Variants in EYA1 observed in about 807,000 individuals in gnomAD.
EYA1 encodes the protein protein phosphatase EYA1.
Under a neutral mutation model 82.0 loss-of-function variants are expected in EYA1, and 16 were observed. That is an observed-to-expected ratio of 0.20 (90% CI 0.13 to 0.30). The LOEUF is 0.30. Among genes scored for constraint, EYA1 ranks in the 10% least tolerant of loss-of-function variants. The probability of loss-of-function intolerance (pLI) is 1.00; values close to 1 mark genes in which losing one functional copy is unlikely to be tolerated. For missense variants in EYA1, 633 were observed against 730.7 expected (o/e 0.87, Z 1.54); for synonymous variants, 261 against 264.4 (o/e 0.99, Z 0.12).
chr8:71,375,506 C>T (rs1489106307), intron 2 of EYA1, among the ~76,000 whole-genome samples: 1 of 152,080 alleles, frequency 6.6e-6, no homozygotes, highest in Non-Finnish European at 1.5e-5. Flanking sequence ...CAACAAATAA[C>T]ATCTAAAACA....
chr8:71,398,592 T>C (rs1476284729), intron 2 of EYA1, among the ~76,000 whole-genome samples: 2 of 152,218 alleles, frequency 1.3e-5, no homozygotes, highest in East Asian at 1.9e-4. Flanking sequence ...GTATCACCAG[T>C]GGAGGCTGAA....
intron 12 of EYA1, 113 bp downstream of exon 12, chr8:71,244,490 A>AT: frequency 1.5e-6 from 1 of 661,886 alleles, no homozygotes; most frequent in South Asian, 1.7e-5. Flanking sequence ...TTACCAACAA[A>AT]CCTCTGTCTC....
intron 14 of EYA1, among the ~76,000 whole-genome samples, chr8:71,216,096 G>A (rs1318621202): frequency 1.3e-5 from 2 of 152,102 alleles, no homozygotes; most frequent in African/African-American, 4.8e-5. Context: ...CAAACTACTG[G>A]TAGAGTATAA....
chr8:71,327,603 G>A (rs1220174666), intron 4 of EYA1, among the ~76,000 whole-genome samples: 3 of 152,118 alleles, frequency 2.0e-5, no homozygotes, highest in Admixed American at 6.5e-5. Context: ...TTTCAACTCA[G>A]CCACATGCCT....
chr8:71,269,599 C>A, intron 11 of EYA1, 141 bp downstream of exon 11: 1 of 556,320 alleles, frequency 1.8e-6, no homozygotes, highest in South Asian at 3.0e-5. Context: ...TTTTACCTTA[C>A]ATATATATAT....
rs1416476943 is a variant in EYA1 at position 71,317,610 on chromosome 8, A to G, written c.498T>C (p.Tyr166=). The G allele has an allele frequency of 6.2e-7, 1 of 1,614,146 alleles. No homozygotes were observed. The highest frequency in any genetic ancestry group is 1.1e-5 in the South Asian group (1 of 91,088). ...QSPGQTGFLS[Y]GTSFSTPQPG... ...GTTGAGGGGTACTGAAGCTTGTGCCATAGCTGAGAAATCCTGTCTGTCCAG... is the reference window on the plus strand; with the variant it reads ...GTTGAGGGGTACTGAAGCTTGTGCCGTAGCTGAGAAATCCTGTCTGTCCAG... The change falls in exon 7 of 18, where the codon TAT becomes TAC. Residue 166 remains tyrosine (Y), a synonymous_variant. Coordinates refer to ENST00000340726, the MANE Select transcript of EYA1 (RefSeq NM_000503.6).
At chr8:71,492,471 T>TTA (rs1811077191) in intron 2 of EYA1, among the ~76,000 whole-genome samples, 1 of 118,152 alleles carries the variant, frequency 8.5e-6, no homozygotes, top group Non-Finnish European at 1.8e-5. Flanking sequence ...TATTATTATT[T>TTA]TTTTTTTTTT....
intron 2 of EYA1, among the ~76,000 whole-genome samples, chr8:71,395,179 A>G (rs546888524): frequency 3.9e-5 from 6 of 152,356 alleles, no homozygotes; most frequent in Non-Finnish European, 8.8e-5. Context: ...TATCAGCTTA[A>G]GGAGATTTTG....
intron 2 of EYA1, among the ~76,000 whole-genome samples, chr8:71,483,576 A>AT (rs1221249569): frequency 1.6e-4 from 25 of 151,742 alleles, no homozygotes; most frequent in Admixed American, 2.6e-4. Flanking sequence ...AAAACACCAC[A>AT]TTTTTTATGT....
At chr8:71,266,108 T>C (rs1424564635) in intron 11 of EYA1, among the ~76,000 whole-genome samples, 1 of 152,226 alleles carries the variant, frequency 6.6e-6, no homozygotes, top group Non-Finnish European at 1.5e-5. Flanking sequence ...TTGAGTTGCC[T>C]AAGCCACTGT....
chr8:71,323,568 C>G (rs1175125609), intron 4 of EYA1, among the ~76,000 whole-genome samples: 1 of 152,166 alleles, frequency 6.6e-6, no homozygotes, highest in African/African-American at 2.4e-5. Context: ...AACAGTAGAT[C>G]TAGATTAGTA....
At chr8:71,285,384 T>A (rs1450225965) in intron 9 of EYA1, among the ~76,000 whole-genome samples, 1 of 152,116 alleles carries the variant, frequency 6.6e-6, no homozygotes, top group Non-Finnish European at 1.5e-5. Flanking sequence ...TCTTAGAATG[T>A]TTGAAGGGAG....
chr8:71,383,030 T>C (rs1400434679), intron 2 of EYA1, among the ~76,000 whole-genome samples: 3 of 152,070 alleles, frequency 2.0e-5, no homozygotes, highest in Non-Finnish European at 4.4e-5. Context: ...AAGCAACTTT[T>C]CTTCTGTGGA....
intron 2 of EYA1, among the ~76,000 whole-genome samples, chr8:71,443,906 A>G (rs1806633822): frequency 6.6e-6 from 1 of 152,230 alleles, no homozygotes; most frequent in Non-Finnish European, 1.5e-5. Flanking sequence ...ACAGCTTTCT[A>G]AAGCATTTCT....
chr8:71,208,725 T>C (rs1808142591), intron 17 of EYA1, among the ~76,000 whole-genome samples: 1 of 118,782 alleles, frequency 8.4e-6, no homozygotes, highest in Non-Finnish European at 1.6e-5. Flanking sequence ...ACTTAAAGTA[T>C]AATAAAAAAA....
intron 12 of EYA1, among the ~76,000 whole-genome samples, chr8:71,233,550 T>C (rs568464792): frequency 2.9e-5 from 4 of 138,996 alleles, no homozygotes; most frequent in Admixed American, 1.6e-4. Flanking sequence ...GGCGACAGAG[T>C]GAGACTCCGT....
At chr8:71,208,728 T>TA (rs570917722) in intron 17 of EYA1, among the ~76,000 whole-genome samples, 2,656 of 115,248 alleles carry the variant, frequency 0.023, 35 homozygotes, top group Non-Finnish European at 0.032. Flanking sequence ...TAAAGTATAA[T>TA]AAAAAAAAGA....
At chr8:71,201,205 CTACTAT>C (rs1282826850) in intron 17 of EYA1, among the ~76,000 whole-genome samples, 1 of 148,230 alleles carries the variant, frequency 6.7e-6, no homozygotes, top group Non-Finnish European at 1.5e-5. Context: ...GACAGAGGTA[CTACTAT>C]TACTATTGTA....
At chr8:71,495,325 A>C (rs1811332075) in intron 2 of EYA1, among the ~76,000 whole-genome samples, 1 of 152,174 alleles carries the variant, frequency 6.6e-6, no homozygotes, top group Non-Finnish European at 1.5e-5. Context: ...AGTTCAGTAA[A>C]ATTTAGGGCT....
Sources: allele counts gnomAD v4.1 joint callset (sites outside exome capture counted in the v4.1 genomes callset), GRCh38; gene constraint gnomAD v4.1.1; transcripts MANE v1.5; gene names NCBI Gene and HGNC (gene_info 2026-07-23, HGNC 2026-07-21).